The following GRID2 variants were observed in gnomAD, a reference collection of about 807,000 sequenced individuals.
GRID2 encodes glutamate receptor ionotropic, delta-2.
A neutral mutation model predicts 114.8 loss-of-function variants in GRID2; 33 were observed. That is an observed-to-expected ratio of 0.29 (90% CI 0.22 to 0.38). GRID2 has a LOEUF of 0.38. Among genes scored for constraint, GRID2 ranks in the 10% least tolerant of loss-of-function variants. The pLI is 1.00. For synonymous variants in GRID2, 505 were observed against 449.9 expected (o/e 1.12, Z -1.55); for missense variants, 1,184 against 1,257.7 (o/e 0.94, Z 0.89).
chr4:92,787,706 A>C (rs1739383995), intron 2 of GRID2, among the ~76,000 whole-genome samples: 1 of 151,970 alleles, frequency 6.6e-6, no homozygotes, highest in African/African-American at 2.4e-5. Flanking sequence ...ATTACATTCT[A>C]GAAGAGTCCT....
chr4:92,570,979 C>T (rs759957263), intron 1 of GRID2, among the ~76,000 whole-genome samples: 1 of 151,996 alleles, frequency 6.6e-6, no homozygotes, highest in Non-Finnish European at 1.5e-5. Context: ...ACTTCCAATA[C>T]TATGTTGAAT....
At chr4:93,357,362 A>T (rs529401028) in intron 8 of GRID2, among the ~76,000 whole-genome samples, 1 of 151,570 alleles carries the variant, frequency 6.6e-6, no homozygotes, top group African/African-American at 2.4e-5. Flanking sequence ...GAATTAAAAA[A>T]TAATTTAATT....
chr4:92,908,082 C>G (rs1748094687), intron 2 of GRID2, among the ~76,000 whole-genome samples: 1 of 152,030 alleles, frequency 6.6e-6, no homozygotes. Flanking sequence ...GTAAGTTTTT[C>G]ATGAAAATCT....
At chr4:93,403,296 A>G in intron 9 of GRID2, among the ~76,000 whole-genome samples, 1 of 152,134 alleles carries the variant, frequency 6.6e-6, no homozygotes. Flanking sequence ...AATACACAGG[A>G]TAGCATTGTG....
chr4:92,739,233 A>G (rs890859416), intron 2 of GRID2, among the ~76,000 whole-genome samples: 1 of 152,158 alleles, frequency 6.6e-6, no homozygotes, highest in Non-Finnish European at 1.5e-5. Flanking sequence ...TAATGGGAAT[A>G]TTAGCTCTTT....
rs537580098 is a variant in GRID2 at position 92,976,347 on chromosome 4, CT to C, written c.245-108647del. Reference sequence around the variant, plus strand: ...TTCGTAGTGAATATATGATATATATCTCATGCATGTCTGTTGTACCTATCAA... The same window carrying C: ...TTCGTAGTGAATATATGATATATATCCATGCATGTCTGTTGTACCTATCAA... On this transcript the variant is annotated intron_variant, in intron 2 of 15. Transcript: ENST00000282020. Among the ~76,000 whole-genome samples the C allele has an allele frequency of 8.5e-3, 1,297 of 152,056 alleles. 11 individuals carry two copies. The highest frequency in any genetic ancestry group is 0.034 in the Middle Eastern group (10 of 294).
chr4:93,096,409 C>T (rs1731233129), intron 3 of GRID2, among the ~76,000 whole-genome samples: 1 of 151,926 alleles, frequency 6.6e-6, no homozygotes, highest in Non-Finnish European at 1.5e-5. Context: ...AAACTATGAA[C>T]TGTGCAATAA....
At chr4:92,589,077 G>A (rs141302702) in intron 1 of GRID2, among the ~76,000 whole-genome samples, 1 of 152,166 alleles carries the variant, frequency 6.6e-6, no homozygotes, top group Non-Finnish European at 1.5e-5. Context: ...TTGCACTCTA[G>A]CCTAGGCGAC....
At chr4:93,206,629 C>CAT (rs56783928) in intron 4 of GRID2, among the ~76,000 whole-genome samples, 1 of 151,292 alleles carries the variant, frequency 6.6e-6, no homozygotes, top group African/African-American at 2.4e-5. Context: ...CACACACACA[C>CAT]GCATGCACAC....
At chr4:92,735,554 T>C (rs1438244737) in intron 2 of GRID2, among the ~76,000 whole-genome samples, 1 of 152,088 alleles carries the variant, frequency 6.6e-6, no homozygotes, top group Non-Finnish European at 1.5e-5. Context: ...CAAAAGGAAA[T>C]AAAAGTATAA....
At chr4:93,733,294 A>G (rs1730647502) in intron 14 of GRID2, among the ~76,000 whole-genome samples, 1 of 152,132 alleles carries the variant, frequency 6.6e-6, no homozygotes, top group South Asian at 2.1e-4. Flanking sequence ...GAATTAGCAT[A>G]TGGACTTTTC....
chr4:92,966,500 C>G (rs1753166719), intron 2 of GRID2, among the ~76,000 whole-genome samples: 1 of 151,902 alleles, frequency 6.6e-6, no homozygotes, highest in African/African-American at 2.4e-5. Flanking sequence ...CCACCCAAAT[C>G]TCACCTTGAA....
At chr4:92,978,797 C>G (rs542841078) in intron 2 of GRID2, among the ~76,000 whole-genome samples, 1 of 151,890 alleles carries the variant, frequency 6.6e-6, no homozygotes, top group Non-Finnish European at 1.5e-5. Flanking sequence ...TTTGGGAGGC[C>G]GAGATAGGAG....
intron 4 of GRID2, among the ~76,000 whole-genome samples, chr4:93,162,367 G>A (rs1245534847): frequency 6.6e-6 from 1 of 151,890 alleles, no homozygotes; most frequent in African/African-American, 2.4e-5. Flanking sequence ...TGACATAGAA[G>A]CTCCTTTAAA....
At chr4:92,573,205 T>G (rs548214061) in intron 1 of GRID2, among the ~76,000 whole-genome samples, 22 of 152,266 alleles carry the variant, frequency 1.4e-4, no homozygotes, top group Non-Finnish European at 2.9e-5. Context: ...TATTTGAATA[T>G]TATTTCTTTT....
rs151225444 is a variant in GRID2 at position 92,782,873 on chromosome 4, G to T, written c.244+192587G>T. On this transcript the variant is annotated intron_variant, in intron 2 of 15. Transcript: ENST00000282020. Reference sequence around the variant, plus strand: ...GATTAGTACTAAAAGAGGTGACAGAGGGTGAGGCTACTTAAGGAAATTTTA... The same window carrying T: ...GATTAGTACTAAAAGAGGTGACAGATGGTGAGGCTACTTAAGGAAATTTTA... Among the ~76,000 whole-genome samples, 4 of 152,176 alleles carry T rather than the reference G, an allele frequency of 2.6e-5. No individual in the cohort carries two copies. The East Asian group carries it at 7.8e-4, about 30-fold the overall frequency.
At chr4:92,631,424 T>C (rs888031255) in intron 2 of GRID2, among the ~76,000 whole-genome samples, 15 of 152,172 alleles carry the variant, frequency 9.9e-5, no homozygotes, top group African/African-American at 2.9e-4. Flanking sequence ...GGTTCTATTA[T>C]GTGTTTTTAA....
intron 10 of GRID2, among the ~76,000 whole-genome samples, chr4:93,435,669 A>G (rs1440309473): frequency 6.6e-6 from 1 of 152,210 alleles, no homozygotes; most frequent in African/African-American, 2.4e-5. Context: ...TAATATGCCC[A>G]TTATGTAGAT....
At chr4:92,358,898 A>T (rs969204740) in intron 1 of GRID2, among the ~76,000 whole-genome samples, 2 of 151,960 alleles carry the variant, frequency 1.3e-5, no homozygotes, top group African/African-American at 4.8e-5. Context: ...TAATATGCAT[A>T]CTTTTTTGCA....
Sources: allele counts gnomAD v4.1 joint callset (sites outside exome capture counted in the v4.1 genomes callset), GRCh38; gene constraint gnomAD v4.1.1; transcripts MANE v1.5; gene names NCBI Gene and HGNC (gene_info 2026-07-23, HGNC 2026-07-21).